Variants in FBLN1 observed in about 807,000 individuals in gnomAD.
The protein encoded by FBLN1 is fibulin-1.
Under a neutral mutation model 89.7 loss-of-function variants are expected in FBLN1, and 34 were observed. The ratio of observed to expected loss-of-function variants is 0.38; its 90% CI spans 0.29 to 0.50. The LOEUF (loss-of-function observed/expected upper bound fraction) is 0.50, where lower values mean the gene tolerates loss of function less well. Ranked by LOEUF, FBLN1 falls within the 20% of genes least tolerant of loss-of-function variation. The pLI is 0.92. For missense variants in FBLN1, 777 were observed against 988.1 expected (o/e 0.79, Z 2.86); for synonymous variants, 393 against 391.3 (o/e 1.00, Z -0.05).
chr22:45,584,224 G>A (rs1254376313), intron 16 of FBLN1, among the ~76,000 whole-genome samples: 2 of 152,194 alleles, frequency 1.3e-5, no homozygotes, highest in Non-Finnish European at 2.9e-5. Flanking sequence ...TTCCATGAAA[G>A]TGAACTTGAC....
intron 16 of FBLN1, among the ~76,000 whole-genome samples, chr22:45,594,844 G>A (rs975517331): frequency 3.4e-5 from 5 of 146,708 alleles, no homozygotes; most frequent in African/African-American, 1.3e-4. Context: ...ATGGATTGCT[G>A]AGTGGGTGGG....
At chr22:45,569,789 C>T (rs1228118150) in intron 14 of FBLN1, among the ~76,000 whole-genome samples, 1 of 152,148 alleles carries the variant, frequency 6.6e-6, no homozygotes, top group Non-Finnish European at 1.5e-5. Flanking sequence ...ACCAAACCTG[C>T]CAACACCTTG....
chr22:45,535,655 C>T (rs1038875975), intron 8 of FBLN1: 5 of 329,492 alleles, frequency 1.5e-5, no homozygotes, highest in Non-Finnish European at 2.3e-5. Flanking sequence ...CCAAGGACCA[C>T]AGTTTGCTGA....
chr22:45,511,837 C>T (rs2088105477), intron 1 of FBLN1, among the ~76,000 whole-genome samples: 1 of 152,160 alleles, frequency 6.6e-6, no homozygotes, highest in African/African-American at 2.4e-5. Flanking sequence ...CAGTTTTAAC[C>T]CGCAGCGTTG....
At chr22:45,525,716 C>T in intron 3 of FBLN1, 38 bp downstream of exon 3, 1 of 1,550,928 alleles carries the variant, frequency 6.4e-7, no homozygotes. Context: ...CTGCCCGTCC[C>T]CACTAGTCGG....
chr22:45,586,227 C>T (rs1204039648), intron 16 of FBLN1, among the ~76,000 whole-genome samples: 1 of 152,176 alleles, frequency 6.6e-6, no homozygotes, highest in African/African-American at 2.4e-5. Flanking sequence ...GTGAGTGCCG[C>T]ACTGCACACC....
rs1227219368 is a variant in FBLN1, at chr22:45,550,042, A to C, written c.1574-450A>C. On this transcript the variant is annotated intron_variant, in intron 13 of 16. Coordinates refer to ENST00000327858, the MANE Select transcript of FBLN1 (RefSeq NM_006486.3). The surrounding 1 kb of genome is among the most constrained non-coding windows in gnomAD (Gnocchi z 8.4). ...AGCCACAGAGAGGCTCTGGTTAGTT[A>C]GTGTATGGACTCTGATGCCAGCCTG... Among the ~76,000 whole-genome samples the C allele has an allele frequency of 6.6e-6, 1 of 152,094 alleles. No individual in the cohort carries two copies. The highest frequency in any genetic ancestry group is 1.5e-5 in the Non-Finnish European group (1 of 68,014).
At chr22:45,596,987 A>G (rs886411076) in intron 16 of FBLN1, among the ~76,000 whole-genome samples, 42 of 151,198 alleles carry the variant, frequency 2.8e-4, no homozygotes, top group African/African-American at 1.0e-3. Flanking sequence ...ATACAGAAAT[A>G]TAATAATAAC....
At position 45,549,060 on chromosome 22, in the gene FBLN1, A is replaced by G. The variant is rs1245570189; in HGVS notation, c.1573+316A>G. Among the ~76,000 whole-genome samples, 3 of 152,152 alleles carry G rather than the reference A, an allele frequency of 2.0e-5. No homozygotes were observed. The highest frequency in any genetic ancestry group is 7.2e-5 in the African/African-American group (3 of 41,444). ...CGTAAAGGCTGGAACAGAGGCCTTT[A>G]GGAAGATGCCCGCCAGGGAGGAAGC... On this transcript the variant is annotated intron_variant, in intron 13 of 16. Coordinates refer to ENST00000327858, the MANE Select transcript of FBLN1 (RefSeq NM_006486.3). The surrounding 1 kb of genome is among the most constrained non-coding windows in gnomAD (Gnocchi z 5.7).
chr22:45,554,168 G>A (rs2088745649), intron 14 of FBLN1, among the ~76,000 whole-genome samples: 1 of 152,262 alleles, frequency 6.6e-6, no homozygotes, highest in Admixed American at 6.5e-5. Context: ...GGGAGACAGT[G>A]GAGGGAGCGA....
intron 2 of FBLN1, among the ~76,000 whole-genome samples, chr22:45,519,711 C>T (rs571351146): frequency 1.3e-5 from 2 of 152,228 alleles, no homozygotes; most frequent in Non-Finnish European, 1.5e-5. Flanking sequence ...CCAGAATGCC[C>T]GTGTGGAGCA....
chr22:45,588,849 C>A lies in FBLN1; in HGVS notation c.1973-11458C>A, dbSNP rs1184068083. ...AAAAAGGAATGACGATGATATGAAT[C>A]TTTTGGCGGCCTCTCCTAACCGTCT... On this transcript the variant is annotated intron_variant, in intron 16 of 16. Transcript: ENST00000327858. This position sits in a 1 kb window ranked among gnomAD's most constrained non-coding sequence, Gnocchi z 5.1. Among the ~76,000 whole-genome samples the A allele has an allele frequency of 6.7e-6, 1 of 148,294 alleles. No homozygotes were observed. The highest frequency in any genetic ancestry group is 2.5e-5 in the African/African-American group (1 of 39,886).
At chr22:45,522,384 A>T (rs564279102) in intron 2 of FBLN1, among the ~76,000 whole-genome samples, 4 of 152,350 alleles carry the variant, frequency 2.6e-5, no homozygotes, top group African/African-American at 9.6e-5. Context: ...CTTGATGCTC[A>T]GGAAGAGGCA....
In FBLN1 at chr22:45,575,634, T is replaced by C. The variant is rs1444099855; in HGVS notation, c.1840+981T>C. ...GGAAGCTCAGGTGTAACCCAGTCAG[T>C]GCTCCCACACCCCAGCCTGGCTCTC... On this transcript the variant is annotated intron_variant, in intron 15 of 16. Coordinates refer to ENST00000327858, the MANE Select transcript of FBLN1 (RefSeq NM_006486.3). The surrounding 1 kb of genome is among the most constrained non-coding windows in gnomAD (Gnocchi z 6.3). Among the ~76,000 whole-genome samples, 7 of 152,120 alleles carry C rather than the reference T, an allele frequency of 4.6e-5. No individual in the cohort carries two copies. In the East Asian group the frequency reaches 1.2e-3, roughly 25 times the overall value.
Position 45,562,575 on chromosome 22 carries a change from C to T in FBLN1, c.1698-11936C>T, listed in dbSNP as rs1229771807. The stretch of plus-strand genomic sequence containing the variant: ...TGCGTAGCCCTGGCCACTGTCTGGG[C>T]AAGGGCCTGGGAAGGGCAGGGTGTG... On this transcript the variant is annotated intron_variant, in intron 14 of 16. Transcript: ENST00000327858. The surrounding 1 kb of genome is among the most constrained non-coding windows in gnomAD (Gnocchi z 7.8). 3.9e-5 allele frequency among the ~76,000 whole-genome samples: 6 copies of T among 152,152 alleles called. No individual in the cohort carries two copies. The highest frequency in any genetic ancestry group is 8.8e-5 in the Non-Finnish European group (6 of 68,022).
At chr22:45,558,054 T>C in intron 14 of FBLN1, 1 of 716,368 alleles carries the variant, frequency 1.4e-6, no homozygotes. Flanking sequence ...GGCCCTAGTC[T>C]TCTCTTCCTC....
At position 45,533,034 on chromosome 22, in the gene FBLN1, T is replaced by C. The variant is rs371630475; in HGVS notation, c.545-29T>C. Reference sequence around the variant, plus strand: ...ACCAGGCGGTGCCTGGGTGCGTCCATCCCTGGCTCATGCACGCTGTGCTTC... The same window carrying C: ...ACCAGGCGGTGCCTGGGTGCGTCCACCCCTGGCTCATGCACGCTGTGCTTC... On this transcript the variant is annotated intron_variant, in intron 5 of 16. Coordinates refer to ENST00000327858, the MANE Select transcript of FBLN1 (RefSeq NM_006486.3). 7.0e-5 allele frequency: 111 copies of C among 1,596,486 alleles called. 1 individual carries two copies. Among genetic ancestry groups the C allele is most frequent in the Non-Finnish European group, 8.9e-5 (104 of 1,164,384 alleles).
rs567083399 is a variant in FBLN1, at chr22:45,525,579, G to A, written c.222G>A (p.Glu74=). Residue 74 remains glutamate, a synonymous_variant, in exon 3 of 17, where the codon GAG becomes GAA. Transcript: ENST00000327858. ...VQEQCCHSQL[E]ELHCATGISL... is the part of the protein sequence containing the mutation. ...AGCAGTGCTGCCACAGCCAGCTGGA[G>A]GAGCTGCACTGTGCCACGGGCATCA... 3.2e-6 allele frequency: 5 copies of A among 1,550,074 alleles called. No homozygotes were observed. The South Asian group carries it at 4.8e-5, about 15-fold the overall frequency.
rs1040535583 is a variant in FBLN1 at position 45,562,744 on chromosome 22, C to T, written c.1698-11767C>T. 7.2e-5 allele frequency among the ~76,000 whole-genome samples: 11 copies of T among 152,350 alleles called. No individual in the cohort carries two copies. In the East Asian group the frequency reaches 7.7e-4, roughly 11 times the overall value. On this transcript the variant is annotated intron_variant, in intron 14 of 16. Transcript: ENST00000327858. The surrounding 1 kb of genome is among the most constrained non-coding windows in gnomAD (Gnocchi z 7.8). Reference sequence around the variant, plus strand: ...CCTGAATCAGCAGCCTGGAGGTCCACGGCGCCTCCCGCAGGTGAGTGAGGT... The same window carrying T: ...CCTGAATCAGCAGCCTGGAGGTCCATGGCGCCTCCCGCAGGTGAGTGAGGT...
Sources: allele counts gnomAD v4.1 joint callset (sites outside exome capture counted in the v4.1 genomes callset), GRCh38; gene constraint gnomAD v4.1.1; non-coding constraint Gnocchi (gnomAD v3.1); transcripts MANE v1.5; gene names NCBI Gene and HGNC (gene_info 2026-07-23, HGNC 2026-07-21).